UPB1: variants seen among roughly 807,000 people sequenced by gnomAD.
The protein encoded by UPB1 is beta-ureidopropionase 1, also known as beta-ureidopropionase.
Under a neutral mutation model 49.1 loss-of-function variants are expected in UPB1, and 40 were observed. The observed-to-expected ratio is 0.81, with a 90% CI of 0.63 to 1.06. The LOEUF (loss-of-function observed/expected upper bound fraction) is 1.06, where lower values mean the gene tolerates loss of function less well. Ranked by LOEUF, UPB1 falls within the 50% of genes least tolerant of loss-of-function variation. The pLI is 0.00. For synonymous variants in UPB1, 207 were observed against 198.2 expected (o/e 1.04, Z -0.38); for missense variants, 499 against 505.9 (o/e 0.99, Z 0.13).
intron 6 of UPB1, among the ~76,000 whole-genome samples, chr22:24,518,821 A>G (rs935401379): frequency 3.9e-5 from 6 of 152,162 alleles, no homozygotes; most frequent in Non-Finnish European, 7.3e-5. Context: ...TCACCATCCT[A>G]TCCTCTTGCT....
chr22:24,509,210 G>A (rs573114586), intron 3 of UPB1, among the ~76,000 whole-genome samples: 2 of 152,192 alleles, frequency 1.3e-5, no homozygotes, highest in South Asian at 4.1e-4. Context: ...CTGGGCTGTA[G>A]AGCAGCATTA....
chr22:24,522,943 T>TAA (rs747503249), intron 8 of UPB1, among the ~76,000 whole-genome samples: 1,508 of 66,270 alleles, frequency 0.023, 32 homozygotes, highest in African/African-American at 0.04. Flanking sequence ...AAATGCCACC[T>TAA]AAAAAAAAAA....
At chr22:24,518,156 CAG>C (rs1039312180) in intron 6 of UPB1, 1 of 150,856 alleles carries the variant, frequency 6.6e-6, no homozygotes, top group Non-Finnish European at 1.5e-5. Flanking sequence ...CAGAACAAGA[CAG>C]AAAAAAAAAA....
At position 24,501,394 on chromosome 22, in the gene UPB1, G is replaced by T. The variant is rs150199312; in HGVS notation, c.277-732G>T. 4.6e-5 allele frequency among the ~76,000 whole-genome samples: 7 copies of T among 152,330 alleles called. No individual in the cohort carries two copies. The East Asian group carries it at 1.2e-3, about 25-fold the overall frequency. On this transcript the variant is annotated intron_variant, in intron 2 of 9. Coordinates refer to ENST00000326010, the MANE Select transcript of UPB1 (RefSeq NM_016327.3). ...TGTGCCAAGGACAAGCAGACAATGA[G>T]GATGCTTTCTTCCTATCCCCAAGGA... is the stretch of plus-strand genomic sequence containing the variant.
At chr22:24,522,183 C>A (rs1025878004) in intron 8 of UPB1, among the ~76,000 whole-genome samples, 155 bp downstream of exon 8, 6 of 152,168 alleles carry the variant, frequency 3.9e-5, no homozygotes, top group Non-Finnish European at 8.8e-5. Context: ...TTATTGCCTG[C>A]AGTGTGGGAA....
At position 24,525,973 on chromosome 22, in the gene UPB1, A is replaced by C. The variant is rs770833575; in HGVS notation, c.*179A>C. On this transcript the variant is annotated 3_prime_UTR_variant, in exon 10 of 10. Transcript: ENST00000326010. ...CTTCTTAATGGGTAAGGGGCTGCTT[A>C]CTTCTGGGGTATTGGAAATGTTTGG... The C allele has an allele frequency of 4.6e-5, 32 of 700,904 alleles. No homozygotes were observed. The highest frequency in any genetic ancestry group is 7.0e-5 in the Non-Finnish European group (28 of 399,140). 43.4% of individuals were successfully genotyped at this position (700,904 alleles called of 1,614,324 possible).
At chr22:24,500,328 C>T in intron 2 of UPB1, 50 bp downstream of exon 2, 2 of 1,609,936 alleles carry the variant, frequency 1.2e-6, no homozygotes, top group Non-Finnish European at 1.7e-6. Context: ...TTGTGGCCTG[C>T]CCTTGGAGCA....
chr22:24,505,135 G>T (rs1384207195), intron 3 of UPB1, among the ~76,000 whole-genome samples: 1 of 151,994 alleles, frequency 6.6e-6, no homozygotes, highest in African/African-American at 2.4e-5. Flanking sequence ...GTCAAATTTT[G>T]AATTTACTAG....
intron 3 of UPB1, 35 bp from the exon 4 acceptor site, chr22:24,510,714 G>A: frequency 6.2e-7 from 1 of 1,607,408 alleles, no homozygotes. Flanking sequence ...GGCTGTGCAT[G>A]TTGGATATAA....
chr22:24,513,919 G>C (rs2044249505), intron 5 of UPB1, among the ~76,000 whole-genome samples: 1 of 152,102 alleles, frequency 6.6e-6, no homozygotes, highest in African/African-American at 2.4e-5. Context: ...GTGGATCATG[G>C]GGGGGTCTGA....
In UPB1 at chr22:24,508,566, G is replaced by A. The variant is rs1386887859; in HGVS notation, c.365-2183G>A. Among the ~76,000 whole-genome samples the A allele has an allele frequency of 5.2e-5, 7 of 134,634 alleles. No individual in the cohort carries two copies. In the South Asian group the frequency reaches 1.2e-3, roughly 23 times the overall value. 88.3% of individuals were successfully genotyped at this position (134,634 alleles called of 152,430 possible). On this transcript the variant is annotated intron_variant, in intron 3 of 9. Coordinates refer to ENST00000326010, the MANE Select transcript of UPB1 (RefSeq NM_016327.3). ...GAGAGCGAGACTCCGTCTCAAAAAA[G>A]AAAAAAAAAGAAAGAAAGAAATGGA...
intron 1 of UPB1, among the ~76,000 whole-genome samples, chr22:24,499,157 G>GCAGGGGGCGGCGA (rs2043943456): frequency 6.6e-6 from 1 of 152,210 alleles, no homozygotes; most frequent in South Asian, 2.1e-4. Flanking sequence ...AAAGTGCCTG[G>GCAGGGGGCGGCGA]CAGGGGGCGG....
At chr22:24,518,118 T>C (rs1428871281) in intron 6 of UPB1, 2 of 152,166 alleles carry the variant, frequency 1.3e-5, no homozygotes, top group African/African-American at 2.4e-5. Context: ...TGAGCTGATA[T>C]TGCACCACTG....
intron 4 of UPB1, among the ~76,000 whole-genome samples, chr22:24,512,292 C>CTA (rs2044220417): frequency 1.3e-5 from 2 of 152,312 alleles, no homozygotes; most frequent in South Asian, 4.1e-4. Flanking sequence ...TCCGCCTCCA[C>CTA]AGGGACCTGA....
intron 3 of UPB1, among the ~76,000 whole-genome samples, 154 bp from the exon 4 acceptor site, chr22:24,510,595 A>G (rs2044180603): frequency 6.6e-6 from 1 of 152,210 alleles, no homozygotes; most frequent in African/African-American, 2.4e-5. Flanking sequence ...CCCAGAGGTA[A>G]GGGCTGCCCA....
intron 2 of UPB1, 63 bp downstream of exon 2, chr22:24,500,341 C>T: frequency 1.2e-6 from 2 of 1,604,516 alleles, no homozygotes; most frequent in South Asian, 1.1e-5. Flanking sequence ...TTGGAGCACA[C>T]CTGCAGGCCC....
At chr22:24,501,670 A>G (rs1035619683) in intron 2 of UPB1, among the ~76,000 whole-genome samples, 7 of 152,232 alleles carry the variant, frequency 4.6e-5, no homozygotes, top group African/African-American at 1.7e-4. Flanking sequence ...GATTTAAAAG[A>G]GCCAGAGAGG....
chr22:24,502,132 G>A lies in UPB1; in HGVS notation c.283G>A (p.Ala95Thr). ...ATCCTTTTTAAATTCTCAGGTCTCT[G>A]CCCTTCATAGACGCATAAAGGCTAT... Reference protein sequence around the residue: ...ANAPVAEQVSALHRRIKAIVE... With the variant: ...ANAPVAEQVSTLHRRIKAIVE... Residue 95 changes from alanine (A) to threonine (T), a missense_variant, in exon 3 of 10, where the codon GCC (alanine) becomes ACC (threonine). Coordinates refer to ENST00000326010, the MANE Select transcript of UPB1 (RefSeq NM_016327.3). 6.2e-7 allele frequency: 1 copy of A among 1,614,158 alleles called. No individual in the cohort carries two copies. Among genetic ancestry groups the A allele is most frequent in the Non-Finnish European group, 8.5e-7 (1 of 1,180,018 alleles).
chr22:24,522,249 CTCCA>C (rs1368380654), intron 8 of UPB1, among the ~76,000 whole-genome samples: 2 of 152,156 alleles, frequency 1.3e-5, no homozygotes, highest in African/African-American at 4.8e-5. Flanking sequence ...GTGGGTTGGA[CTCCA>C]TCCATTCCCC....
Sources: allele counts gnomAD v4.1 joint callset (sites outside exome capture counted in the v4.1 genomes callset), GRCh38; gene constraint gnomAD v4.1.1; transcripts MANE v1.5; gene names NCBI Gene and HGNC (gene_info 2026-07-23, HGNC 2026-07-21).